PCDH7: variants seen among roughly 807,000 people sequenced by gnomAD.
PCDH7 encodes the protein protocadherin-7.
In PCDH7, 17 loss-of-function variants were observed where a neutral mutation model predicts 58.9. The ratio of observed to expected loss-of-function variants is 0.29; its 90% CI spans 0.20 to 0.43. The LOEUF is 0.43. Ranked by LOEUF, PCDH7 falls within the 20% of genes least tolerant of loss-of-function variation. The pLI is 1.00. For synonymous variants in PCDH7, 664 were observed against 616.4 expected, an observed-to-expected ratio of 1.08 and a Z score of -1.14; for missense variants, 1,274 against 1,441.0, an observed-to-expected ratio of 0.88 and a Z score of 1.88.
downstream of PCDH7, among the ~76,000 whole-genome samples, chr4:30,735,499 A>G (rs1716120882): frequency 6.6e-6 from 1 of 152,174 alleles, no homozygotes; most frequent in African/African-American, 2.4e-5. Context: ...CTCCTCCTTT[A>G]AAGTGTAACT....
At chr4:30,737,098 C>T (rs1479478651), downstream of PCDH7, among the ~76,000 whole-genome samples, 1 of 152,124 alleles carries the variant, frequency 6.6e-6, no homozygotes, top group Non-Finnish European at 1.5e-5. Context: ...TGCCTTCTAG[C>T]CCCAGCTCTG....
chr4:30,901,051 A>G (rs1293316002), intron 1 of PCDH7, among the ~76,000 whole-genome samples: 1 of 152,160 alleles, frequency 6.6e-6, no homozygotes, highest in Non-Finnish European at 1.5e-5. Flanking sequence ...TTTCTGAACA[A>G]ACTCCCAAAT....
At chr4:31,048,508 A>C (rs1213080429) in intron 3 of PCDH7, among the ~76,000 whole-genome samples, 2 of 152,124 alleles carry the variant, frequency 1.3e-5, no homozygotes, top group Non-Finnish European at 2.9e-5. Flanking sequence ...ATTCAGGACT[A>C]ATTTGCTGTG....
At chr4:30,917,458 G>T (rs989201453) in intron 1 of PCDH7, among the ~76,000 whole-genome samples, 4 of 151,916 alleles carry the variant, frequency 2.6e-5, no homozygotes, top group African/African-American at 9.7e-5. Context: ...GAATAAAAAT[G>T]ATAGGTGTGA....
At chr4:31,021,826 G>C (rs1162775140) in intron 3 of PCDH7, among the ~76,000 whole-genome samples, 1 of 152,190 alleles carries the variant, frequency 6.6e-6, no homozygotes, top group African/African-American at 2.4e-5. Context: ...GGTTGGATGA[G>C]CATCTAGTGA....
chr4:30,783,869 T>C (rs1167275409), intron 1 of PCDH7, among the ~76,000 whole-genome samples: 1 of 152,172 alleles, frequency 6.6e-6, no homozygotes, highest in Non-Finnish European at 1.5e-5. Context: ...AAATGGAAGC[T>C]GAGTGAGACA....
intron 3 of PCDH7, among the ~76,000 whole-genome samples, chr4:31,059,408 G>T (rs1435503793): frequency 1.3e-5 from 2 of 151,370 alleles, no homozygotes; most frequent in East Asian, 3.9e-4. Context: ...AGTTATCCAG[G>T]CCTCTTCAAC....
intron 3 of PCDH7, among the ~76,000 whole-genome samples, chr4:31,056,545 GGAGA>G (rs1383478831): frequency 6.9e-6 from 1 of 143,902 alleles, no homozygotes; most frequent in Admixed American, 7.0e-5. Flanking sequence ...AAGGAGAGAG[GGAGA>G]GAGAGAGAGG....
At chr4:31,098,047 C>T (rs1354444615) in intron 3 of PCDH7, among the ~76,000 whole-genome samples, 3 of 152,106 alleles carry the variant, frequency 2.0e-5, no homozygotes, top group Non-Finnish European at 2.9e-5. Context: ...CACTGTAACC[C>T]AAAGTCCTTC....
intron 3 of PCDH7, among the ~76,000 whole-genome samples, chr4:31,091,320 G>T (rs1314883677): frequency 6.6e-6 from 1 of 151,698 alleles, no homozygotes; most frequent in Non-Finnish European, 1.5e-5. Context: ...ACCTGTAAAA[G>T]ATATTAAAAT....
At chr4:30,926,846 C>T (rs924443642) in intron 2 of PCDH7, among the ~76,000 whole-genome samples, 11 of 151,986 alleles carry the variant, frequency 7.2e-5, no homozygotes, top group African/African-American at 2.7e-4. Flanking sequence ...AGGTGTACAC[C>T]TCCCTTTAAA....
chr4:30,747,028 T>C (rs530118884), intron 1 of PCDH7, among the ~76,000 whole-genome samples: 2 of 152,316 alleles, frequency 1.3e-5, no homozygotes, highest in African/African-American at 4.8e-5. Flanking sequence ...TTGAACAAGA[T>C]ATATGAAGTC....
intron 1 of PCDH7, among the ~76,000 whole-genome samples, chr4:30,891,879 A>G (rs1310535460): frequency 6.6e-6 from 1 of 151,546 alleles, no homozygotes; most frequent in African/African-American, 2.4e-5. Context: ...CTCACATGAT[A>G]TGTCAGACTT....
intron 3 of PCDH7, among the ~76,000 whole-genome samples, chr4:31,005,570 C>T (rs1450349963): frequency 1.3e-5 from 2 of 152,148 alleles, no homozygotes; most frequent in African/African-American, 4.8e-5. Flanking sequence ...TTAGGTTTAT[C>T]GGCATGATAC....
chr4:31,079,212 C>A lies in PCDH7; in HGVS notation c.*8-63261C>A, dbSNP rs554260337. On this transcript the variant is annotated intron_variant, in intron 3 of 3. Coordinates refer to the PCDH7 transcript ENST00000509759. ...AAGAATATATATTTATTAAATTTGA[C>A]CTCGTTAACATTAGAAATATCAATG... 1.1e-4 allele frequency among the ~76,000 whole-genome samples: 16 copies of A among 147,930 alleles called. No homozygotes were observed. In the South Asian group the frequency reaches 3.4e-3, roughly 32 times the overall value.
At chr4:31,089,231 T>C (rs540342730) in intron 3 of PCDH7, among the ~76,000 whole-genome samples, 4 of 152,202 alleles carry the variant, frequency 2.6e-5, no homozygotes, top group Admixed American at 2.6e-4. Context: ...CAAAACATTA[T>C]GTTTATATTA....
At chr4:30,862,115 C>A (rs1734284316) in intron 1 of PCDH7, among the ~76,000 whole-genome samples, 1 of 152,212 alleles carries the variant, frequency 6.6e-6, no homozygotes, top group Admixed American at 6.5e-5. Context: ...CTTCCAAAAT[C>A]CTCTGAATTC....
At chr4:30,806,595 C>T (rs747926437) in intron 1 of PCDH7, among the ~76,000 whole-genome samples, 46 of 151,752 alleles carry the variant, frequency 3.0e-4, no homozygotes, top group Non-Finnish European at 4.0e-4. Flanking sequence ...TGAGCCACTG[C>T]GCCTGGCCAC....
intron 1 of PCDH7, chr4:30,725,176 A>G: frequency 1.0e-6 from 1 of 999,874 alleles, no homozygotes; most frequent in Non-Finnish European, 1.2e-6. Flanking sequence ...ATTTACTGAT[A>G]TGCAAATGTC....
Sources: gnomAD v4.1 joint callset for allele counts (sites outside exome capture counted in the v4.1 genomes callset) on GRCh38, gnomAD v4.1.1 for gene constraint, MANE v1.5 for transcripts, NCBI Gene and HGNC (gene_info 2026-07-23, HGNC 2026-07-21) for gene names.